Variants in ASH1L observed in about 807,000 individuals in gnomAD.
ASH1L encodes the protein histone-lysine N-methyltransferase ASH1L.
A neutral mutation model predicts 269.0 loss-of-function variants in ASH1L; 23 were observed. The observed-to-expected ratio is 0.09, with a 90% CI of 0.06 to 0.12. The LOEUF (loss-of-function observed/expected upper bound fraction) is 0.12. Ranked by LOEUF, ASH1L falls within the 10% of genes least tolerant of loss-of-function variation. ASH1L has a pLI of 1.00. For missense variants in ASH1L, 2,912 were observed against 3,567.8 expected (o/e 0.82, Z 4.68); for synonymous variants, 1,187 against 1,253.5 (o/e 0.95, Z 1.12).
chr1:155,357,448 A>C, intron 14 of ASH1L, 38 bp from the exon 15 acceptor site: 1 of 1,597,566 alleles, frequency 6.3e-7, no homozygotes, highest in Non-Finnish European at 8.6e-7. Flanking sequence ...ATTTAAAAAA[A>C]TATCAGTCAG....
intron 3 of ASH1L, among the ~76,000 whole-genome samples, chr1:155,473,492 ATT>A (rs774259211): frequency 1.5e-4 from 19 of 127,654 alleles, no homozygotes; most frequent in Middle Eastern, 4.1e-3. Flanking sequence ...TAGTATTTCT[ATT>A]TTTTTTTTTT....
chr1:155,522,123 A>G (rs1414469746), intron 1 of ASH1L, among the ~76,000 whole-genome samples: 1 of 152,174 alleles, frequency 6.6e-6, no homozygotes, highest in Non-Finnish European at 1.5e-5. Context: ...TAAACACGCT[A>G]TGTACCTATA....
At chr1:155,472,351 A>G (rs1665168995) in intron 3 of ASH1L, among the ~76,000 whole-genome samples, 1 of 152,204 alleles carries the variant, frequency 6.6e-6, no homozygotes, top group Admixed American at 6.5e-5. Flanking sequence ...GTACTTTTGC[A>G]TAAACTTCCC....
At position 155,373,492 on chromosome 1, in the gene ASH1L, G is replaced by A. The variant is rs571841860; in HGVS notation, c.6333-2509C>T. ...TTATTTGTAGAGGTGAGGTCTTGCT[G>A]CTATGTTGCTTAGGCTGGTCTCAAA... On this transcript the variant is annotated intron_variant, in intron 10 of 27. Coordinates refer to ENST00000392403, the MANE Select transcript of ASH1L (RefSeq NM_018489.3). Among the ~76,000 whole-genome samples the A allele has an allele frequency of 2.0e-5, 3 of 152,172 alleles. No individual in the cohort carries two copies. In the South Asian group the frequency reaches 6.2e-4, roughly 32 times the overall value.
intron 13 of ASH1L, among the ~76,000 whole-genome samples, chr1:155,359,327 A>C (rs2148378625): frequency 6.6e-6 from 1 of 152,256 alleles, no homozygotes; most frequent in African/African-American, 2.4e-5. Context: ...TCTGTCGCCC[A>C]GGATGGAGTG....
chr1:155,451,721 A>C (rs11264374), intron 4 of ASH1L, among the ~76,000 whole-genome samples: 39,711 of 151,832 alleles, frequency 0.26, 5,967 homozygotes, highest in East Asian at 0.72. Flanking sequence ...ACTCTGAAAA[A>C]AAAAAAGAAA....
chr1:155,356,858 G>A (rs1174695331), intron 15 of ASH1L, among the ~76,000 whole-genome samples: 1 of 151,342 alleles, frequency 6.6e-6, no homozygotes, highest in African/African-American at 2.4e-5. Flanking sequence ...GGAGATCGGG[G>A]CAGGAGGATA....
chr1:155,407,602 G>A (rs1352630467), intron 6 of ASH1L, among the ~76,000 whole-genome samples: 2 of 152,010 alleles, frequency 1.3e-5, no homozygotes, highest in African/African-American at 2.4e-5. Flanking sequence ...AAATAAAAAC[G>A]TGGATGTACA....
intron 4 of ASH1L, among the ~76,000 whole-genome samples, chr1:155,446,563 T>C (rs1278892985): frequency 2.0e-5 from 3 of 151,436 alleles, no homozygotes; most frequent in Non-Finnish European, 2.9e-5. Flanking sequence ...TCTCCCAAAG[T>C]GCTGGTATTA....
chr1:155,417,885 G>A (rs1354583900), intron 5 of ASH1L, among the ~76,000 whole-genome samples: 1 of 151,934 alleles, frequency 6.6e-6, no homozygotes, highest in Non-Finnish European at 1.5e-5. Context: ...TTGAACCTGG[G>A]AGGCGGAGGT....
rs570392265 is a variant in ASH1L, at chr1:155,348,294, C to G, written c.7555-390G>C. 2.6e-5 allele frequency among the ~76,000 whole-genome samples: 4 copies of G among 152,236 alleles called. No individual in the cohort carries two copies. In the South Asian group the frequency reaches 6.2e-4, roughly 24 times the overall value. On this transcript the variant is annotated intron_variant, in intron 19 of 27. Coordinates refer to ENST00000392403, the MANE Select transcript of ASH1L (RefSeq NM_018489.3). ...TACAGGTGTTGAATCTATGTGGAAG[C>G]TGGGTTTCAGTAGGAAGAATGTTAC...
At chr1:155,487,941 G>T (rs190152845) in intron 2 of ASH1L, among the ~76,000 whole-genome samples, 1 of 150,640 alleles carries the variant, frequency 6.6e-6, no homozygotes, top group Admixed American at 6.6e-5. Context: ...AAGCAGGAGC[G>T]CAGTGGCGCC....
chr1:155,451,645 G>A (rs1011530313), intron 4 of ASH1L, among the ~76,000 whole-genome samples: 1 of 151,926 alleles, frequency 6.6e-6, no homozygotes, highest in African/African-American at 2.4e-5. Context: ...TGTAATCCCA[G>A]TTACTTGGAG....
At chr1:155,546,721 A>C (rs913960000) in intron 1 of ASH1L, among the ~76,000 whole-genome samples, 2 of 151,526 alleles carry the variant, frequency 1.3e-5, no homozygotes, top group African/African-American at 4.8e-5. Context: ...TCACGCCACT[A>C]CACTCCACCC....
rs748310093 is a variant in ASH1L at position 155,480,791 on chromosome 1, G to A, written c.2079C>T (p.His693=). The A allele has an allele frequency of 8.7e-6, 14 of 1,613,782 alleles. No homozygotes were observed. In the East Asian group the frequency reaches 1.1e-4, roughly 13 times the overall value. ...KLGAVSASDK[H]CQVAESLSTS... The stretch of plus-strand genomic sequence containing the variant: ...TACTTAGGCTTTCAGCAACTTGGCA[G>A]TGTTTGTCTGATGCAGATACTGCAC... Residue 693 remains histidine, a synonymous_variant, in exon 3 of 28, where the codon CAC becomes CAT. Coordinates refer to ENST00000392403, the MANE Select transcript of ASH1L (RefSeq NM_018489.3).
chr1:155,549,588 G>A (rs1671058835), intron 1 of ASH1L, among the ~76,000 whole-genome samples: 1 of 146,906 alleles, frequency 6.8e-6, no homozygotes, highest in Non-Finnish European at 1.5e-5. Flanking sequence ...TCGTGCCATT[G>A]CACTCCAGCT....
chr1:155,471,787 G>A (rs1665119189), intron 3 of ASH1L, among the ~76,000 whole-genome samples: 1 of 152,250 alleles, frequency 6.6e-6, no homozygotes, highest in Non-Finnish European at 1.5e-5. Flanking sequence ...AGGCCAGGCA[G>A]AAGTATGGAT....
intron 5 of ASH1L, among the ~76,000 whole-genome samples, chr1:155,425,888 TGTG>T (rs1292282207): frequency 7.9e-6 from 1 of 126,992 alleles, no homozygotes; most frequent in African/African-American, 2.6e-5. Flanking sequence ...TAATTTTTTT[TGTG>T]GTGTTTTTTT....
intron 5 of ASH1L, among the ~76,000 whole-genome samples, chr1:155,428,718 G>A (rs1374059006): frequency 6.6e-6 from 1 of 152,152 alleles, no homozygotes; most frequent in East Asian, 1.9e-4. Context: ...CAGGTAACTG[G>A]CCAAACCCAT....
Sources: allele counts gnomAD v4.1 joint callset (sites outside exome capture counted in the v4.1 genomes callset), GRCh38; gene constraint gnomAD v4.1.1; transcripts MANE v1.5; gene names NCBI Gene and HGNC (gene_info 2026-07-23, HGNC 2026-07-21).